The following KIF26B variants were observed in gnomAD, a reference collection of about 807,000 sequenced individuals.
KIF26B encodes the protein kinesin-like protein KIF26B.
In KIF26B, 63 loss-of-function variants were observed where a neutral mutation model predicts 151.2. That is an observed-to-expected ratio of 0.42 (90% CI 0.34 to 0.51). The LOEUF is 0.51. Among genes scored for constraint, KIF26B ranks in the 20% least tolerant of loss-of-function variants. The pLI is 0.07. For missense variants in KIF26B, 2,813 were observed against 2,913.6 expected (o/e 0.97, Z 0.79); for synonymous variants, 1,357 against 1,262.1 (o/e 1.08, Z -1.59).
At chr1:245,500,570 T>C (rs890764894) in intron 4 of KIF26B, among the ~76,000 whole-genome samples, 2 of 152,224 alleles carry the variant, frequency 1.3e-5, no homozygotes, top group Non-Finnish European at 2.9e-5. Flanking sequence ...CTGAAGCAAA[T>C]TGGCAAGCGT....
At chr1:245,509,498 A>G (rs1282855652) in intron 4 of KIF26B, among the ~76,000 whole-genome samples, 3 of 152,084 alleles carry the variant, frequency 2.0e-5, no homozygotes, top group African/African-American at 7.2e-5. Context: ...CCACTCTCCT[A>G]TCCTCCATAA....
At chr1:245,179,683 G>T (rs1668870613) in intron 2 of KIF26B, among the ~76,000 whole-genome samples, 1 of 152,158 alleles carries the variant, frequency 6.6e-6, no homozygotes, top group South Asian at 2.1e-4. Context: ...TTACCAACCA[G>T]GAGGGGAGAT....
At chr1:245,699,950 G>A (rs1422101083) in intron 14 of KIF26B, among the ~76,000 whole-genome samples, 1 of 152,102 alleles carries the variant, frequency 6.6e-6, no homozygotes, top group Non-Finnish European at 1.5e-5. Flanking sequence ...CTGGGTGAAG[G>A]TGCGGAAGAA....
intron 10 of KIF26B, among the ~76,000 whole-genome samples, chr1:245,647,424 CAA>C (rs372008159): frequency 6.2e-5 from 6 of 96,532 alleles, no homozygotes; most frequent in African/African-American, 1.7e-4. Context: ...GACTCCTTCT[CAA>C]AAAAAAAAAA....
intron 2 of KIF26B, among the ~76,000 whole-genome samples, chr1:245,305,854 C>T (rs1045594180): frequency 7.3e-6 from 1 of 137,284 alleles, no homozygotes. Context: ...AGAAGAATGG[C>T]TTGAACCCGG....
intron 2 of KIF26B, among the ~76,000 whole-genome samples, chr1:245,253,621 G>T (rs1301905887): frequency 6.6e-6 from 1 of 151,888 alleles, no homozygotes. Context: ...ATACAGTTTG[G>T]TAGGATTTGT....
intron 10 of KIF26B, among the ~76,000 whole-genome samples, chr1:245,665,765 A>G (rs2044206210): frequency 1.3e-5 from 2 of 151,780 alleles, no homozygotes; most frequent in African/African-American, 4.8e-5. Flanking sequence ...CAGGACTGCA[A>G]CCTCCGCTTC....
intron 2 of KIF26B, among the ~76,000 whole-genome samples, chr1:245,348,091 C>T (rs1672493388): frequency 6.6e-6 from 1 of 152,194 alleles, no homozygotes; most frequent in African/African-American, 2.4e-5. Flanking sequence ...TCCCTCCTTC[C>T]TGGATGACTT....
At chr1:245,476,530 AC>A (rs869064578) in intron 4 of KIF26B, among the ~76,000 whole-genome samples, 33 of 68,660 alleles carry the variant, frequency 4.8e-4, no homozygotes, top group Non-Finnish European at 7.6e-4. Flanking sequence ...TTATTTATTT[AC>A]TTACTTACTT....
At chr1:245,568,534 A>C (rs1227129744) in intron 5 of KIF26B, among the ~76,000 whole-genome samples, 1 of 152,212 alleles carries the variant, frequency 6.6e-6, no homozygotes, top group African/African-American at 2.4e-5. Flanking sequence ...AAATGGCTTG[A>C]AAGGCATGTG....
chr1:245,687,055 A>G lies in KIF26B; in HGVS notation c.4072A>G (p.Lys1358Glu), dbSNP rs780657162. Reference protein sequence around the residue: ...DDSFNKAAPIKGCKISTVSKA... With the variant: ...DDSFNKAAPIEGCKISTVSKA... ...CTCTTTCAACAAAGCAGCCCCCATCAAAGGCTGCAAAATATCCACAGTGAG... is the reference window on the plus strand; with the variant it reads ...CTCTTTCAACAAAGCAGCCCCCATCGAAGGCTGCAAAATATCCACAGTGAG... Residue 1358 changes from lysine (K) to glutamate (E), a missense_variant, in exon 12 of 15, where the codon AAA becomes GAA. Lys to Glu is a moderately conservative substitution (Grantham distance 56). This residue lies in a region of KIF26B where 2,060 missense variants were observed against 2,088.6 expected (regional missense o/e 0.99). Transcript: ENST00000407071. The surrounding 1 kb of genome is among the most constrained non-coding windows in gnomAD (Gnocchi z 4.9). The G allele has an allele frequency of 2.5e-6, 4 of 1,613,510 alleles. No homozygotes were observed. The East Asian group carries it at 8.9e-5, about 36-fold the overall frequency.
intron 2 of KIF26B, among the ~76,000 whole-genome samples, chr1:245,175,747 A>G (rs1410084622): frequency 6.6e-6 from 1 of 152,054 alleles, no homozygotes; most frequent in African/African-American, 2.4e-5. Flanking sequence ...TATTTACTCA[A>G]AAGCCTCTTC....
intron 2 of KIF26B, among the ~76,000 whole-genome samples, chr1:245,212,005 C>T (rs2103544206): frequency 6.6e-6 from 1 of 152,284 alleles, no homozygotes; most frequent in South Asian, 2.1e-4. Flanking sequence ...GTGGTACTCC[C>T]TCCAGCATGG....
intron 10 of KIF26B, among the ~76,000 whole-genome samples, chr1:245,656,040 C>A (rs377350719): frequency 2.0e-5 from 3 of 152,154 alleles, no homozygotes. Flanking sequence ...AGAAAATAAT[C>A]TGAGAAATGT....
chr1:245,681,721 A>G (rs1320411564), intron 10 of KIF26B, among the ~76,000 whole-genome samples: 1 of 152,238 alleles, frequency 6.6e-6, no homozygotes, highest in African/African-American at 2.4e-5. Context: ...CATTGGTGTG[A>G]GGCTAGACAC....
At chr1:245,155,910 C>T (rs185925506) in intron 1 of KIF26B, among the ~76,000 whole-genome samples, 9 of 151,444 alleles carry the variant, frequency 5.9e-5, no homozygotes, top group Admixed American at 3.9e-4. Context: ...CTACCCCCCC[C>T]ATAGGGTCTT....
chr1:245,510,794 T>C (rs1660819003), intron 4 of KIF26B, among the ~76,000 whole-genome samples: 1 of 152,060 alleles, frequency 6.6e-6, no homozygotes, highest in South Asian at 2.1e-4. Flanking sequence ...ATCCATGCAC[T>C]GTTCTTGGAG....
chr1:245,261,355 TC>T (rs2103570149), intron 2 of KIF26B, among the ~76,000 whole-genome samples: 1 of 152,196 alleles, frequency 6.6e-6, no homozygotes, highest in South Asian at 2.1e-4. Context: ...GGTCTCGAAC[TC>T]CCGACCTCAG....
intron 5 of KIF26B, among the ~76,000 whole-genome samples, chr1:245,552,772 G>A (rs1246764726): frequency 1.3e-5 from 2 of 152,078 alleles, no homozygotes; most frequent in African/African-American, 4.8e-5. Flanking sequence ...GCTAATTTTT[G>A]TATTTTTTAT....
Sources: gnomAD v4.1 joint callset for allele counts (sites outside exome capture counted in the v4.1 genomes callset) on GRCh38, gnomAD v4.1.1 for gene constraint, gnomAD v4.1.1 regional missense constraint, Gnocchi (gnomAD v3.1) non-coding constraint, MANE v1.5 for transcripts, NCBI Gene and HGNC (gene_info 2026-07-23, HGNC 2026-07-21) for gene names.